SMN1: variants seen among roughly 807,000 people sequenced by gnomAD.
SMN1 encodes the protein survival of motor neuron 1, telomeric, also known as survival motor neuron protein.
For missense variants in SMN1, 15 were observed against 17.1 expected, an observed-to-expected ratio of 0.88 and a Z score of 0.22; for synonymous variants, 3 against 5.1, an observed-to-expected ratio of 0.58 and a Z score of 0.56.
rs980648428 is a variant in SMN1, at chr5:70,950,367, A to T, written c.835-1574A>T. Among the ~76,000 whole-genome samples the T allele has an allele frequency of 6.0e-5, 9 of 148,804 alleles. 2 individuals carry two copies. Among genetic ancestry groups the T allele is most frequent in the African/African-American group, 2.2e-4 (9 of 40,088 alleles). Reference sequence around the variant, plus strand: ...AGAAGGCGGAGGTTGCGGTGAGCCAAGATTGCACCATTGCACTCCAGCCTG... The same window carrying T: ...AGAAGGCGGAGGTTGCGGTGAGCCATGATTGCACCATTGCACTCCAGCCTG... On this transcript the variant is annotated intron_variant, in intron 7 of 8. Transcript: ENST00000380707.
At chr5:70,956,633 C>T (rs1477165849), downstream of SMN1, among the ~76,000 whole-genome samples, 8 of 149,490 alleles carry the variant, frequency 5.4e-5, no homozygotes, top group African/African-American at 1.2e-4. Context: ...TGTAGATATG[C>T]GGCGTTATTT....
downstream of SMN1, among the ~76,000 whole-genome samples, chr5:70,955,740 A>G (rs878990445): frequency 1.8e-4 from 26 of 147,428 alleles, no homozygotes; most frequent in African/African-American, 5.4e-4. Context: ...AGCCAAGATC[A>G]TGCCACTACA....
At chr5:70,960,291 C>T in the SMN1 span, among the ~76,000 whole-genome samples, 1 of 147,424 alleles carries the variant, frequency 6.8e-6, no homozygotes, top group Non-Finnish European at 1.5e-5. Flanking sequence ...TTTGTAAAGG[C>T]ACCTACTTGC....
intron 7 of SMN1, among the ~76,000 whole-genome samples, chr5:70,950,963 G>A (rs1243382780): frequency 6.6e-6 from 1 of 151,798 alleles, no homozygotes; most frequent in Non-Finnish European, 1.5e-5. Context: ...TAGTAGAGTC[G>A]GGGTTTCTCC....
At chr5:70,956,602 G>A (rs1157384620), downstream of SMN1, among the ~76,000 whole-genome samples, 1 of 148,320 alleles carries the variant, frequency 6.7e-6, no homozygotes, top group East Asian at 2.0e-4. Flanking sequence ...TTTTTCTCAG[G>A]TTTGTCAAAG....
chr5:70,956,807 T>C (rs1398362542), downstream of SMN1, among the ~76,000 whole-genome samples: 1 of 148,898 alleles, frequency 6.7e-6, no homozygotes, highest in Non-Finnish European at 1.5e-5. Flanking sequence ...GGGCTTTTTT[T>C]TGGTTCCATA....
At chr5:70,950,433 A>G (rs1034553648) in intron 7 of SMN1, among the ~76,000 whole-genome samples, 1 of 149,808 alleles carries the variant, frequency 6.7e-6, no homozygotes, top group Admixed American at 6.7e-5. Context: ...AAAAAGGAAG[A>G]AAAATATTTT....
intron 7 of SMN1, 96 bp from the exon 8 acceptor site, chr5:70,951,845 A>C: frequency 1.2e-6 from 1 of 850,842 alleles, no homozygotes; most frequent in African/African-American, 1.6e-5. Context: ...TGTCTTGTGA[A>C]ACAAAATGCT....
At chr5:70,951,125 A>T (rs112999460) in intron 7 of SMN1, among the ~76,000 whole-genome samples, 5 of 151,452 alleles carry the variant, frequency 3.3e-5, no homozygotes, top group Admixed American at 3.3e-4. Context: ...ACCAGGTCTC[A>T]CTCTATTGCT....
chr5:70,944,353 CT>C (rs1277916100), intron 5 of SMN1: 4 of 126,006 alleles, frequency 3.2e-5, no homozygotes, highest in Non-Finnish European at 6.8e-5. Context: ...GGGATATAGT[CT>C]TTTATGATTG....
chr5:70,958,783 A>G (rs1749957445), downstream of SMN1, among the ~76,000 whole-genome samples: 2 of 148,824 alleles, frequency 1.3e-5, no homozygotes. Context: ...AAAAAAATGT[A>G]TATTCTGTTG....
At chr5:70,959,264 G>A in the SMN1 span, among the ~76,000 whole-genome samples, 1 of 149,988 alleles carries the variant, frequency 6.7e-6, no homozygotes, top group Admixed American at 6.7e-5. Context: ...TGTGGGGTGG[G>A]GGGAATGGGG....
intron 7 of SMN1, among the ~76,000 whole-genome samples, chr5:70,951,098 A>G (rs1749705225): frequency 6.6e-6 from 1 of 151,584 alleles, no homozygotes; most frequent in Non-Finnish European, 1.5e-5. Context: ...TTTAAATTTA[A>G]ATTTTATTTT....
At chr5:70,955,274 A>AC (rs1225192078), downstream of SMN1, among the ~76,000 whole-genome samples, 67 of 123,780 alleles carry the variant, frequency 5.4e-4, no homozygotes, top group African/African-American at 1.7e-3. Flanking sequence ...GCTTCTGTAC[A>AC]CTTTTTTTTT....
At position 70,951,990 on chromosome 5, in the gene SMN1, A is replaced by G. The variant is rs1376143496; in HGVS notation, c.884A>G (p.Ter295=). The G allele has an allele frequency of 6.2e-7, 1 of 1,612,784 alleles. No individual in the cohort carries two copies. The highest frequency in any genetic ancestry group is 8.5e-7 in the Non-Finnish European group (1 of 1,179,238). Residue 295 remains the stop codon, a stop_retained_variant, in exon 8 of 9, where the codon TAA becomes TGA. Coordinates refer to ENST00000380707, the MANE Select transcript of SMN1 (RefSeq NM_000344.4). The stretch of plus-strand genomic sequence containing the variant: ...GGAAGGTGCTCACATTCCTTAAATT[A>G]AGGAGTAAGTCTGCCAGCATTATGA... The part of the protein sequence containing the change: ...KEGRCSHSLN[*]
At chr5:70,959,262 G>C in the SMN1 span, among the ~76,000 whole-genome samples, 1 of 149,880 alleles carries the variant, frequency 6.7e-6, no homozygotes, top group Non-Finnish European at 1.5e-5. Context: ...GTTGTGGGGT[G>C]GGGGGAATGG....
rs210047 is a variant in SMN1 at position 70,951,681 on chromosome 5, C to T, written c.835-260C>T. 0.52 allele frequency among the ~76,000 whole-genome samples: 76,849 copies of T among 146,394 alleles called. 21,797 individuals carry two copies. The highest frequency in any genetic ancestry group is 0.82 in the East Asian group (4,061 of 4,944). On this transcript the variant is annotated intron_variant, in intron 7 of 8. Transcript: ENST00000380707. ...AGGTCTCAAGTGATCCCCCTACCTC[C>T]GCCTCCCAAAGTTGTGGGATTGTAG... is the stretch of plus-strand genomic sequence containing the variant.
chr5:70,959,406 T>C, the SMN1 span, among the ~76,000 whole-genome samples: 2 of 143,476 alleles, frequency 1.4e-5, no homozygotes, highest in South Asian at 2.3e-4. Context: ...TAAAGTATAA[T>C]AATAAAATAA....
At chr5:70,957,243 A>G (rs1323345453), downstream of SMN1, among the ~76,000 whole-genome samples, 2 of 81,030 alleles carry the variant, frequency 2.5e-5, no homozygotes, top group African/African-American at 8.5e-5. Context: ...TTCTAGATAT[A>G]CAATCATGTA....
Sources: gnomAD v4.1 joint callset for allele counts (sites outside exome capture counted in the v4.1 genomes callset) on GRCh38, gnomAD v4.1.1 for gene constraint, MANE v1.5 for transcripts, NCBI Gene and HGNC (gene_info 2026-07-23, HGNC 2026-07-21) for gene names.